The following HPN variants were observed in gnomAD, a reference collection of about 807,000 sequenced individuals.
The protein encoded by HPN is serine protease hepsin.
HPN carries 13 observed loss-of-function variants against 55.9 expected under a neutral mutation model. That is an observed-to-expected ratio of 0.23 (90% CI 0.15 to 0.37). The LOEUF is 0.37. Among genes scored for constraint, HPN ranks in the 10% least tolerant of loss-of-function variants. The pLI is 1.00. For missense variants in HPN, 451 were observed against 575.8 expected, an observed-to-expected ratio of 0.78 and a Z score of 2.22; for synonymous variants, 225 against 240.3, an observed-to-expected ratio of 0.94 and a Z score of 0.59.
At chr19:35,042,383 G>T in intron 1 of HPN, 70 bp from the exon 2 acceptor site, 1 of 1,479,164 alleles carries the variant, frequency 6.8e-7, no homozygotes. Flanking sequence ...GGACGCCTGG[G>T]ACTGGGGGCG....
chr19:35,046,135 C>A (rs1006439727), intron 2 of HPN, among the ~76,000 whole-genome samples: 1 of 152,164 alleles, frequency 6.6e-6, no homozygotes, highest in Non-Finnish European at 1.5e-5. Flanking sequence ...GAGAACCCCT[C>A]GCAGGACAGG....
intron 2 of HPN, among the ~76,000 whole-genome samples, chr19:35,046,532 AC>A (rs2064344171): frequency 6.6e-6 from 1 of 152,200 alleles, no homozygotes; most frequent in Non-Finnish European, 1.5e-5. Context: ...GGCATGAGCC[AC>A]CATGCCCAGC....
intron 2 of HPN, among the ~76,000 whole-genome samples, chr19:35,048,134 G>A (rs2064367520): frequency 6.6e-6 from 1 of 152,010 alleles, no homozygotes; most frequent in South Asian, 2.1e-4. Flanking sequence ...TCAGAGAGGG[G>A]AGGGGAGTTG....
chr19:35,045,765 C>T lies in HPN; in HGVS notation c.16+3243C>T, dbSNP rs550395576. On this transcript the variant is annotated intron_variant, in intron 2 of 12. Transcript: ENST00000672452. ...GCAGGGAGGATGAGGATGCGTCCCA[C>T]ACCGTGGGCCAGATGAGGATGCTGC... Among the ~76,000 whole-genome samples the T allele has an allele frequency of 5.4e-5, 8 of 146,804 alleles. No homozygotes were observed. In the South Asian group the frequency reaches 1.7e-3, roughly 32 times the overall value.
intron 2 of HPN, among the ~76,000 whole-genome samples, chr19:35,045,923 C>T (rs915761695): frequency 1.3e-5 from 2 of 152,206 alleles, no homozygotes; most frequent in Non-Finnish European, 2.9e-5. Flanking sequence ...CTTCCTCTCA[C>T]CCTAGGAGAC....
chr19:35,059,689 G>A lies in HPN; in HGVS notation c.177G>A (p.Ala59=), dbSNP rs751313804. 3.8e-6 allele frequency: 6 copies of A among 1,598,632 alleles called. No individual in the cohort carries two copies. The highest frequency in any genetic ancestry group is 2.3e-5 in the South Asian group (2 of 88,450). ...GCCCTGCAGTGCAGGTCAGCTCTGC[G>A]GACGCTCGGCTCATGGTCTTTGACA... The part of the protein sequence containing the change: ...EPLYPVQVSS[A]DARLMVFDKT... The change falls in exon 5 of 13, where the codon GCG becomes GCA. Residue 59 remains alanine (A), a synonymous_variant. Coordinates refer to ENST00000672452, the MANE Select transcript of HPN (RefSeq NM_001384133.1).
intron 9 of HPN, among the ~76,000 whole-genome samples, chr19:35,063,266 G>A (rs552272428): frequency 1.3e-5 from 2 of 152,366 alleles, no homozygotes; most frequent in Admixed American, 6.5e-5. Flanking sequence ...ACTGGCACTG[G>A]AATCTGTGCT....
intron 8 of HPN, 56 bp downstream of exon 8, chr19:35,060,568 G>A: frequency 1.2e-6 from 2 of 1,611,956 alleles, no homozygotes; most frequent in Non-Finnish European, 1.7e-6. Flanking sequence ...GAGAGACAGT[G>A]GGGAGGAGGG....
chr19:35,044,903 GGAGA>G (rs1217590305), intron 2 of HPN, among the ~76,000 whole-genome samples: 1 of 152,028 alleles, frequency 6.6e-6, no homozygotes, highest in Non-Finnish European at 1.5e-5. Context: ...AGGTGCAGAT[GGAGA>G]GAAAGAAGGA....
At chr19:35,063,217 C>T (rs1254563699) in intron 9 of HPN, among the ~76,000 whole-genome samples, 4 of 152,358 alleles carry the variant, frequency 2.6e-5, no homozygotes, top group East Asian at 3.9e-4. Context: ...GCCCCAAATT[C>T]GTACAGCTGG....
chr19:35,052,832 C>T (rs774799714), intron 4 of HPN, among the ~76,000 whole-genome samples: 9 of 152,160 alleles, frequency 5.9e-5, no homozygotes, highest in Non-Finnish European at 8.8e-5. Flanking sequence ...GTTATGAGTG[C>T]ACCCAAAGCC....
At position 35,049,391 on chromosome 19, in the gene HPN, G is replaced by A; in HGVS notation, c.118G>A (p.Val40Met). Residue 40 changes from valine to methionine, a missense_variant and splice_region_variant, in exon 3 of 13, where the codon GTG becomes ATG. By Grantham distance (21) the Val-to-Met change is conservative. This residue lies in a region of HPN where 378 missense variants were observed against 445.5 expected (regional missense o/e 0.85). Transcript: ENST00000672452. ...CATCGGGGCGGCATCCTGGGCCATT[G>A]GTGAGAGCGGTTCCTGTGCCTCTGA... ...TAIGAASWAIVAVLLRSDQEP... is the reference protein window; with the variant it reads ...TAIGAASWAIMAVLLRSDQEP... The A allele has an allele frequency of 6.2e-7, 1 of 1,606,132 alleles. No homozygotes were observed. The highest frequency in any genetic ancestry group is 8.5e-7 in the Non-Finnish European group (1 of 1,175,218).
At chr19:35,042,048 C>T (rs551959132) in intron 1 of HPN, 176 bp downstream of exon 1, 1 of 1,145,256 alleles carries the variant, frequency 8.7e-7, no homozygotes, top group African/African-American at 1.7e-5. Flanking sequence ...CCTTCAGACT[C>T]AGCCGTTGGA....
In HPN at chr19:35,060,007, C is replaced by A. The variant is rs765157995; in HGVS notation, c.413+11C>A. On this transcript the variant is annotated intron_variant, in intron 6 of 12. Transcript: ENST00000672452. ...GGTCATCTCCGTGTGGTGAGGAGGG[C>A]AGCGGGCAGGTGGGGCAACACCTCA... is the stretch of plus-strand genomic sequence containing the variant. 1 of 1,594,946 alleles carries A rather than the reference C, an allele frequency of 6.3e-7. No homozygotes were observed.
intron 2 of HPN, among the ~76,000 whole-genome samples, chr19:35,048,907 C>T (rs774251982): frequency 6.6e-6 from 1 of 152,132 alleles, no homozygotes; most frequent in Non-Finnish European, 1.5e-5. Context: ...GGGAAGAGAG[C>T]TACCAAGAGG....
chr19:35,042,002 G>T, intron 1 of HPN, 130 bp downstream of exon 1: 2 of 1,173,110 alleles, frequency 1.7e-6, no homozygotes, highest in Non-Finnish European at 2.1e-6. Flanking sequence ...GCACTATGAC[G>T]TCCCCCCAAG....
chr19:35,064,560 C>T (rs2064578374), intron 9 of HPN, among the ~76,000 whole-genome samples: 1 of 151,740 alleles, frequency 6.6e-6, no homozygotes, highest in Non-Finnish European at 1.5e-5. Flanking sequence ...CCCAGGAGGT[C>T]GAGGCTGCAG....
chr19:35,050,643 C>A, intron 4 of HPN: 2 of 633,496 alleles, frequency 3.2e-6, no homozygotes, highest in Non-Finnish European at 4.6e-6. Flanking sequence ...TTCCCTGATG[C>A]AGGACAGCAG....
At chr19:35,051,912 G>A (rs750640846) in intron 4 of HPN, among the ~76,000 whole-genome samples, 2 of 152,052 alleles carry the variant, frequency 1.3e-5, no homozygotes, top group Non-Finnish European at 2.9e-5. Flanking sequence ...AAGCCCCTCC[G>A]TGACAACACG....
Sources: allele counts gnomAD v4.1 joint callset (sites outside exome capture counted in the v4.1 genomes callset), GRCh38; gene constraint gnomAD v4.1.1; regional missense constraint gnomAD v4.1.1; transcripts MANE v1.5; gene names NCBI Gene and HGNC (gene_info 2026-07-23, HGNC 2026-07-21).